Variants in ABCB11 observed in about 807,000 individuals in gnomAD.
ABCB11 encodes the protein ATP binding cassette subfamily B member 11, also known as bile salt export pump.
In ABCB11, 95 loss-of-function variants were observed where a neutral mutation model predicts 148.0. That is an observed-to-expected ratio of 0.64 (90% confidence interval 0.54 to 0.76). The LOEUF is 0.76. Ranked by LOEUF, ABCB11 falls within the 30% of genes least tolerant of loss-of-function variation. The pLI is 0.00. For missense variants in ABCB11, 1,523 were observed against 1,617.8 expected (o/e 0.94, Z 1.01); for synonymous variants, 591 against 555.4 (o/e 1.06, Z -0.90).
chr2:168,960,212 C>T (rs1013454130), intron 18 of ABCB11, among the ~76,000 whole-genome samples: 2 of 151,666 alleles, frequency 1.3e-5, no homozygotes, highest in Non-Finnish European at 3.0e-5. Context: ...AAAAAATACT[C>T]ATCAGGTAAT....
chr2:168,964,089 A>G (rs886208261), intron 18 of ABCB11, 117 bp downstream of exon 18: 2 of 666,578 alleles, frequency 3.0e-6, no homozygotes, highest in African/African-American at 1.8e-5. Flanking sequence ...TTTTAGTCTG[A>G]CTTGAAACAC....
intron 5 of ABCB11, among the ~76,000 whole-genome samples, chr2:168,999,955 A>G (rs1694823284): frequency 1.3e-5 from 2 of 152,100 alleles, no homozygotes; most frequent in African/African-American, 4.8e-5. Context: ...TGGTAGAGTG[A>G]TCCAATTCTT....
chr2:168,997,995 C>A (rs1216078528), intron 5 of ABCB11, among the ~76,000 whole-genome samples: 1 of 151,994 alleles, frequency 6.6e-6, no homozygotes, highest in African/African-American at 2.4e-5. Flanking sequence ...TCAAAACCAG[C>A]TAAGGTCTCT....
chr2:168,951,314 A>G (rs1692557560), intron 19 of ABCB11, among the ~76,000 whole-genome samples: 1 of 151,586 alleles, frequency 6.6e-6, no homozygotes, highest in South Asian at 2.1e-4. Flanking sequence ...TTTGATAGTG[A>G]TTGCATTGAA....
At position 168,922,906 on chromosome 2, in the gene ABCB11, C is replaced by A. The variant is rs1335251249; in HGVS notation, c.*716G>T. 6.6e-6 allele frequency: 1 copy of A among 152,178 alleles called. No homozygotes were observed. Among genetic ancestry groups the A allele is most frequent in the Non-Finnish European group, 1.5e-5 (1 of 68,104 alleles). 9.4% of individuals were successfully genotyped at this position (152,178 alleles called of 1,614,324 possible). A position where few individuals can be genotyped will look rare whatever the true frequency, so the allele number is the denominator to read the frequency against. On this transcript the variant is annotated 3_prime_UTR_variant, in exon 28 of 28. Coordinates refer to ENST00000650372, the MANE Select transcript of ABCB11 (RefSeq NM_003742.4). ...AAAGGCCTGGGAGAGAGTCCCTGCT[C>A]CAGCCACACTGGTAGGTCCTCACAG...
chr2:168,915,472 A>G (rs2105864655), downstream of ABCB11, among the ~76,000 whole-genome samples: 1 of 152,230 alleles, frequency 6.6e-6, no homozygotes, highest in East Asian at 1.9e-4. Flanking sequence ...AGTTAACAGC[A>G]ACAACAACAA....
chr2:168,973,943 G>A (rs1693706975), intron 12 of ABCB11, 103 bp from the exon 13 acceptor site: 3 of 1,358,296 alleles, frequency 2.2e-6, no homozygotes, highest in Non-Finnish European at 3.0e-6. Context: ...CGGTGTCTGT[G>A]TGTGCGTTTA....
chr2:168,979,934 A>G lies in ABCB11; in HGVS notation c.1129T>C (p.Ser377Pro). 6.2e-7 allele frequency: 1 copy of G among 1,611,404 alleles called. No individual in the cohort carries two copies. The highest frequency in any genetic ancestry group is 8.5e-7 in the Non-Finnish European group (1 of 1,178,148). ...GTTGCAAAGGCTTCCAAACAAGGAG[A>G]GGCATTGCCAAGATTTAAAGCTCCT... The part of the protein sequence containing the change: ...IVGALNLGNA[S>P]PCLEAFATGR... The change falls in exon 11 of 28, where the codon TCT becomes CCT. Residue 377 changes from serine to proline, a missense_variant. By Grantham distance (74) the Ser-to-Pro change is moderately conservative. Coordinates refer to ENST00000650372, the MANE Select transcript of ABCB11 (RefSeq NM_003742.4).
intron 6 of ABCB11, 44 bp downstream of exon 6, chr2:168,996,591 G>T: frequency 1.7e-6 from 2 of 1,183,630 alleles, no homozygotes; most frequent in Non-Finnish European, 2.3e-6. Flanking sequence ...TAGTGTCTTT[G>T]AGGTCAGATA....
chr2:168,991,834 GC>G lies in ABCB11; in HGVS notation c.784-910del, dbSNP rs1304967310. ...AACATGTAACAGTAAGGAAAGTGAGGCTTTTTTTTTTTTTTTTTAAAGAGAC... is the reference window on the plus strand; with the variant it reads ...AACATGTAACAGTAAGGAAAGTGAGGTTTTTTTTTTTTTTTTTAAAGAGAC... On this transcript the variant is annotated intron_variant, in intron 8 of 27. Coordinates refer to ENST00000650372, the MANE Select transcript of ABCB11 (RefSeq NM_003742.4). Among the ~76,000 whole-genome samples the G allele has an allele frequency of 4.5e-4, 64 of 140,836 alleles. No individual in the cohort carries two copies. In the East Asian group the frequency reaches 0.015, roughly 32 times the overall value. The allele number at this position is 140,836 out of a possible 152,430, so 92.4% of individuals were successfully genotyped here. A position where few individuals can be genotyped will look rare whatever the true frequency, so the allele number is the denominator to read the frequency against.
intron 5 of ABCB11, among the ~76,000 whole-genome samples, chr2:169,003,167 C>T (rs772851517): frequency 2.6e-5 from 4 of 151,778 alleles, no homozygotes; most frequent in African/African-American, 9.7e-5. Context: ...CCTTTGTGTC[C>T]TCATAGCTTA....
intron 11 of ABCB11, among the ~76,000 whole-genome samples, chr2:168,978,583 G>T (rs764667470): frequency 3.3e-5 from 5 of 152,052 alleles, no homozygotes; most frequent in Non-Finnish European, 7.4e-5. Context: ...ACAGCGGACA[G>T]TGAACCAAAC....
chr2:169,024,450 A>G (rs11892650), intron 1 of ABCB11, among the ~76,000 whole-genome samples: 7,542 of 152,268 alleles, frequency 0.05, 399 homozygotes, highest in African/African-American at 0.13. Flanking sequence ...TTTTGATTTT[A>G]TAGAAAAATT....
chr2:168,988,493 C>T (rs1694403727), intron 9 of ABCB11, among the ~76,000 whole-genome samples: 2 of 152,218 alleles, frequency 1.3e-5, no homozygotes, highest in African/African-American at 2.4e-5. Flanking sequence ...TTTACACACA[C>T]ATTTTCTTCA....
chr2:168,977,855 C>A (rs1190322547), intron 11 of ABCB11, among the ~76,000 whole-genome samples: 1 of 152,096 alleles, frequency 6.6e-6, no homozygotes, highest in African/African-American at 2.4e-5. Context: ...GGGGAAAATG[C>A]TCCTGTGATC....
At chr2:168,939,411 T>G (rs1559187136) in intron 21 of ABCB11, among the ~76,000 whole-genome samples, 1 of 152,120 alleles carries the variant, frequency 6.6e-6, no homozygotes, top group African/African-American at 2.4e-5. Flanking sequence ...TATGAAAGTG[T>G]CAGTTATTCC....
chr2:168,945,263 G>A (rs1471682797), intron 19 of ABCB11, among the ~76,000 whole-genome samples: 1 of 151,826 alleles, frequency 6.6e-6, no homozygotes, highest in African/African-American at 2.4e-5. Context: ...TAATTTTGCT[G>A]TAAACCTAAA....
At chr2:168,988,882 T>G (rs184063852) in intron 9 of ABCB11, among the ~76,000 whole-genome samples, 1 of 152,322 alleles carries the variant, frequency 6.6e-6, no homozygotes, top group East Asian at 1.9e-4. Context: ...TGACATCTTT[T>G]CACATGCCTG....
intron 4 of ABCB11, 73 bp downstream of exon 4, chr2:169,014,230 T>TGGTG: frequency 7.0e-7 from 1 of 1,419,610 alleles, no homozygotes; most frequent in Non-Finnish European, 1.0e-6. Flanking sequence ...GACTAAAGAT[T>TGGTG]TAACACTCCC....
Sources: gnomAD v4.1 joint callset for allele counts (sites outside exome capture counted in the v4.1 genomes callset) on GRCh38, gnomAD v4.1.1 for gene constraint, MANE v1.5 for transcripts, NCBI Gene and HGNC (gene_info 2026-07-23, HGNC 2026-07-21) for gene names.